PTPRD: variants seen among roughly 807,000 people sequenced by gnomAD.
The protein encoded by PTPRD is protein tyrosine phosphatase receptor type D.
In PTPRD, 34 loss-of-function variants were observed where a neutral mutation model predicts 214.5. The observed-to-expected ratio is 0.16, with a 90% CI of 0.12 to 0.21. The LOEUF (loss-of-function observed/expected upper bound fraction) is 0.21, where lower values mean the gene tolerates loss of function less well. Ranked by LOEUF, PTPRD falls within the 10% of genes least tolerant of loss-of-function variation. The probability of loss-of-function intolerance (pLI) is 1.00; values close to 1 mark genes in which losing one functional copy is unlikely to be tolerated. For synonymous variants in PTPRD, 1,128 were observed against 845.7 expected, an observed-to-expected ratio of 1.33 and a Z score of -5.79; for missense variants, 2,545 against 2,398.7, an observed-to-expected ratio of 1.06 and a Z score of -1.27.
chr9:9,180,448 G>T (rs1251149139), intron 10 of PTPRD, among the ~76,000 whole-genome samples: 1 of 122,598 alleles, frequency 8.2e-6, no homozygotes, highest in Non-Finnish European at 1.7e-5. Context: ...GGCCTGTTGT[G>T]GGGTGGGGGG....
At chr9:9,726,393 T>C (rs1339358148) in intron 7 of PTPRD, among the ~76,000 whole-genome samples, 1 of 152,134 alleles carries the variant, frequency 6.6e-6, no homozygotes, top group Non-Finnish European at 1.5e-5. Context: ...TAGGTGGCCA[T>C]AAGCAGGACA....
chr9:8,896,979 C>A (rs1042041085), intron 11 of PTPRD, among the ~76,000 whole-genome samples: 7 of 152,098 alleles, frequency 4.6e-5, no homozygotes, highest in Admixed American at 1.3e-4. Flanking sequence ...TGAATAAATG[C>A]CTCTTTCTAA....
At chr9:8,697,198 G>A (rs1290536971) in intron 12 of PTPRD, among the ~76,000 whole-genome samples, 1 of 151,908 alleles carries the variant, frequency 6.6e-6, no homozygotes, top group Non-Finnish European at 1.5e-5. Flanking sequence ...TAATTTCTGA[G>A]GACTGACTAT....
chr9:8,960,455 T>C (rs962039161), intron 11 of PTPRD, among the ~76,000 whole-genome samples: 10 of 151,988 alleles, frequency 6.6e-5, no homozygotes, highest in African/African-American at 2.2e-4. Flanking sequence ...GGCAGCAAGA[T>C]CAGTAAAAGA....
chr9:8,656,068 C>A (rs952342865), intron 12 of PTPRD, among the ~76,000 whole-genome samples: 2 of 152,108 alleles, frequency 1.3e-5, no homozygotes, highest in African/African-American at 4.8e-5. Context: ...AGACTCCTAG[C>A]CTTTTATGAA....
At chr9:8,459,313 T>C (rs925927590) in intron 33 of PTPRD, among the ~76,000 whole-genome samples, 4 of 152,024 alleles carry the variant, frequency 2.6e-5, no homozygotes, top group Non-Finnish European at 5.9e-5. Flanking sequence ...AGAGAAGCTA[T>C]CTTGTAGTAG....
chr9:10,423,968 A>T (rs569683955), intron 2 of PTPRD, among the ~76,000 whole-genome samples: 1 of 152,102 alleles, frequency 6.6e-6, no homozygotes, highest in African/African-American at 2.4e-5. Context: ...AAGATTTTCC[A>T]ATAGAGGGTA....
chr9:9,090,000 ATG>A (rs913660653), intron 10 of PTPRD, among the ~76,000 whole-genome samples: 5 of 152,206 alleles, frequency 3.3e-5, no homozygotes, highest in Non-Finnish European at 7.3e-5. Flanking sequence ...ACATGCATAC[ATG>A]TGTAATGATC....
intron 10 of PTPRD, among the ~76,000 whole-genome samples, chr9:9,132,440 A>C (rs1349278715): frequency 6.6e-6 from 1 of 152,228 alleles, no homozygotes; most frequent in Non-Finnish European, 1.5e-5. Context: ...TTTATACAAC[A>C]TTTTATGCAT....
At chr9:9,931,910 TCCCTGAC>T (rs1314479963) in intron 5 of PTPRD, among the ~76,000 whole-genome samples, 1 of 151,098 alleles carries the variant, frequency 6.6e-6, no homozygotes, top group Non-Finnish European at 1.5e-5. Context: ...CTCAAGTGGG[TCCCTGAC>T]CCCTGACCCC....
chr9:8,631,553 G>C lies in PTPRD; in HGVS notation c.352+1764C>G, dbSNP rs866559430. ...TGGGTGTCTGTTGCACACTCTATGG[G>C]ACTCACTGTTTCTGACCAGCTTTTA... On this transcript the variant is annotated intron_variant, in intron 14 of 45. Transcript: ENST00000381196. Among the ~76,000 whole-genome samples, 8 of 151,912 alleles carry C rather than the reference G, an allele frequency of 5.3e-5. No individual in the cohort carries two copies. In the South Asian group the frequency reaches 1.7e-3, roughly 32 times the overall value.
At chr9:8,790,914 G>A (rs542516344) in intron 11 of PTPRD, among the ~76,000 whole-genome samples, 6 of 152,214 alleles carry the variant, frequency 3.9e-5, no homozygotes, top group Non-Finnish European at 7.4e-5. Flanking sequence ...GTACTCAACC[G>A]CCACGTGTGG....
intron 5 of PTPRD, among the ~76,000 whole-genome samples, chr9:9,877,554 G>A (rs188082882): frequency 6.6e-6 from 1 of 152,242 alleles, no homozygotes; most frequent in East Asian, 1.9e-4. Flanking sequence ...GGTGAAAGGA[G>A]GAAGGAGAAT....
intron 8 of PTPRD, among the ~76,000 whole-genome samples, chr9:9,411,219 T>C (rs1027547453): frequency 6.0e-5 from 9 of 149,872 alleles, no homozygotes; most frequent in African/African-American, 2.2e-4. Flanking sequence ...ATATTAGAGT[T>C]TGCAATAAAT....
intron 8 of PTPRD, among the ~76,000 whole-genome samples, chr9:9,453,753 T>C (rs1426412739): frequency 2.0e-5 from 3 of 151,744 alleles, no homozygotes; most frequent in African/African-American, 7.2e-5. Context: ...TTTTTGGATT[T>C]AAGGGAAAAG....
chr9:9,042,867 G>A (rs1360326261), intron 10 of PTPRD, among the ~76,000 whole-genome samples: 1 of 152,056 alleles, frequency 6.6e-6, no homozygotes, highest in East Asian at 1.9e-4. Flanking sequence ...TCAGTTCATA[G>A]GCAATGGTAG....
chr9:8,551,417 C>A (rs551730770), intron 14 of PTPRD, among the ~76,000 whole-genome samples: 1 of 152,040 alleles, frequency 6.6e-6, no homozygotes, highest in Non-Finnish European at 1.5e-5. Flanking sequence ...CAATCAAAAC[C>A]CTTATTATTA....
intron 7 of PTPRD, among the ~76,000 whole-genome samples, chr9:9,715,743 G>C (rs4424321): frequency 0.73 from 110,943 of 152,088 alleles, 41,427 homozygotes; most frequent in African/African-American, 0.87. Flanking sequence ...CTATTTCAAA[G>C]AGAGGTTAAT....
intron 11 of PTPRD, among the ~76,000 whole-genome samples, chr9:8,817,720 T>C (rs1284188194): frequency 6.6e-6 from 1 of 152,220 alleles, no homozygotes; most frequent in Non-Finnish European, 1.5e-5. Context: ...AAATACCTAA[T>C]AAGCATACTG....
Sources: allele counts gnomAD v4.1 joint callset (sites outside exome capture counted in the v4.1 genomes callset), GRCh38; gene constraint gnomAD v4.1.1; transcripts MANE v1.5; gene names NCBI Gene and HGNC (gene_info 2026-07-23, HGNC 2026-07-21).